Variants in TAFA5 observed in about 807,000 individuals in gnomAD.
TAFA5 encodes TAFA chemokine like family member 5.
In TAFA5, 6 loss-of-function variants were observed where a neutral mutation model predicts 15.3. The observed-to-expected ratio is 0.39, with a 90% CI of 0.21 to 0.77. The LOEUF (loss-of-function observed/expected upper bound fraction) is 0.77. TAFA5 is among the 30% of genes least tolerant of loss of function. The pLI is 0.41. For synonymous variants in TAFA5, 103 were observed against 80.7 expected (o/e 1.28, Z -1.48); for missense variants, 161 against 193.1 (o/e 0.83, Z 0.98).
At chr22:48,583,746 C>T (rs1264075681) in intron 1 of TAFA5, among the ~76,000 whole-genome samples, 1 of 151,974 alleles carries the variant, frequency 6.6e-6, no homozygotes. Context: ...ACACAGACAC[C>T]ACACACACAG....
At chr22:48,680,779 T>G (rs1470724310) in intron 2 of TAFA5, among the ~76,000 whole-genome samples, 1 of 152,256 alleles carries the variant, frequency 6.6e-6, no homozygotes, top group African/African-American at 2.4e-5. Flanking sequence ...TGCAGCCGCC[T>G]TGGGAGCACA....
chr22:48,540,618 T>G (rs9615918), intron 1 of TAFA5, among the ~76,000 whole-genome samples: 1 of 149,384 alleles, frequency 6.7e-6, no homozygotes, highest in Non-Finnish European at 1.5e-5. Flanking sequence ...TTGCCTCAAA[T>G]GCATCTTTTG....
intron 3 of TAFA5, among the ~76,000 whole-genome samples, chr22:48,726,432 T>G (rs1929717101): frequency 6.6e-6 from 1 of 152,156 alleles, no homozygotes; most frequent in African/African-American, 2.4e-5. Context: ...ACAGAAACAA[T>G]CCAGTCGTGG....
intron 3 of TAFA5, among the ~76,000 whole-genome samples, chr22:48,743,694 C>T (rs149773180): frequency 7.1e-4 from 108 of 152,340 alleles, no homozygotes; most frequent in African/African-American, 2.5e-3. Context: ...GCAGCCGAGG[C>T]GCTGACGTCT....
chr22:48,549,934 C>A (rs762879761), intron 1 of TAFA5, among the ~76,000 whole-genome samples: 8 of 152,238 alleles, frequency 5.3e-5, no homozygotes, highest in Non-Finnish European at 7.3e-5. Context: ...GCTTGCTCTG[C>A]ACCAGGCGAG....
chr22:48,722,565 G>C (rs1265310190), intron 3 of TAFA5, among the ~76,000 whole-genome samples: 1 of 152,148 alleles, frequency 6.6e-6, no homozygotes, highest in African/African-American at 2.4e-5. Flanking sequence ...CGGGGTGGGG[G>C]GCTAGGGGAG....
intron 3 of TAFA5, among the ~76,000 whole-genome samples, chr22:48,735,835 C>A (rs1272033636): frequency 2.3e-5 from 3 of 131,976 alleles, no homozygotes; most frequent in Non-Finnish European, 3.0e-5. Context: ...TCCATCCCCC[C>A]AGGAGGAATG....
At chr22:48,715,362 G>A (rs936576941) in intron 3 of TAFA5, among the ~76,000 whole-genome samples, 3 of 152,226 alleles carry the variant, frequency 2.0e-5, no homozygotes, top group African/African-American at 4.8e-5. Context: ...AGGAGTCATC[G>A]AGACAGCAGA....
intron 3 of TAFA5, among the ~76,000 whole-genome samples, chr22:48,720,281 G>GCCCTTGCTTCCCTGTCTTCTCCCCA (rs1333133915): frequency 1.3e-5 from 2 of 152,024 alleles, no homozygotes; most frequent in African/African-American, 2.4e-5. Context: ...CCTTTTCCCT[G>GCCCTTGCTTCCCTGTCTTCTCCCCA]CCCTTGCTTC....
chr22:48,571,308 C>T (rs1923574631), intron 1 of TAFA5, among the ~76,000 whole-genome samples: 1 of 135,682 alleles, frequency 7.4e-6, no homozygotes, highest in Admixed American at 8.1e-5. Flanking sequence ...CAAAGTCTCG[C>T]TCTGTTGCCA....
chr22:48,640,608 T>TG (rs112014574), intron 1 of TAFA5, among the ~76,000 whole-genome samples: 18,981 of 152,144 alleles, frequency 0.12, 1,459 homozygotes, highest in Non-Finnish European at 0.16. Flanking sequence ...GGCCATTTCT[T>TG]GCAGAGGCTG....
At chr22:48,523,159 C>A (rs1194803834) in intron 1 of TAFA5, among the ~76,000 whole-genome samples, 2 of 152,208 alleles carry the variant, frequency 1.3e-5, no homozygotes, top group African/African-American at 4.8e-5. Flanking sequence ...GCCGCTCGTG[C>A]CACAAAACCC....
chr22:48,514,649 C>G (rs1283371028), intron 1 of TAFA5, among the ~76,000 whole-genome samples: 1 of 152,154 alleles, frequency 6.6e-6, no homozygotes, highest in Non-Finnish European at 1.5e-5. Context: ...CCCACTCATG[C>G]CAGCCAGGTG....
intron 2 of TAFA5, among the ~76,000 whole-genome samples, chr22:48,657,717 G>C (rs4925423): frequency 0.8 from 121,934 of 152,038 alleles, 49,102 homozygotes; most frequent in East Asian, 0.91. Context: ...CTCCAGCACA[G>C]ACCTGTGCCC....
chr22:48,526,539 G>C (rs765904311), intron 1 of TAFA5, among the ~76,000 whole-genome samples: 1 of 152,196 alleles, frequency 6.6e-6, no homozygotes, highest in Non-Finnish European at 1.5e-5. Context: ...TTAACTCTGC[G>C]TGCCGGCCTC....
At chr22:48,724,861 G>T (rs1216627475) in intron 3 of TAFA5, among the ~76,000 whole-genome samples, 1 of 152,240 alleles carries the variant, frequency 6.6e-6, no homozygotes, top group African/African-American at 2.4e-5. Context: ...CAGAGACTCA[G>T]CTCCCAGCCT....
At chr22:48,675,737 G>T (rs968076385) in intron 2 of TAFA5, among the ~76,000 whole-genome samples, 5 of 152,346 alleles carry the variant, frequency 3.3e-5, no homozygotes, top group African/African-American at 1.2e-4. Flanking sequence ...GGGGAGCCCC[G>T]CCTGCTGGCT....
chr22:48,680,127 C>G (rs1011741146), intron 2 of TAFA5, among the ~76,000 whole-genome samples: 1 of 152,220 alleles, frequency 6.6e-6, no homozygotes, highest in East Asian at 1.9e-4. Flanking sequence ...ATGGTCCCCC[C>G]ACCCTGTGTG....
chr22:48,703,776 C>T (rs997477037), intron 2 of TAFA5, among the ~76,000 whole-genome samples: 2 of 152,250 alleles, frequency 1.3e-5, no homozygotes, highest in African/African-American at 4.8e-5. Flanking sequence ...GCCTGCCCTG[C>T]AGGCAGGTCA....
Sources: gnomAD v4.1 joint callset for allele counts (sites outside exome capture counted in the v4.1 genomes callset) on GRCh38, gnomAD v4.1.1 for gene constraint, MANE v1.5 for transcripts, NCBI Gene and HGNC (gene_info 2026-07-23, HGNC 2026-07-21) for gene names.